Variants in SVIL observed in about 807,000 individuals in gnomAD.
SVIL encodes supervillin, also known as archvillin.
A neutral mutation model predicts 240.4 loss-of-function variants in SVIL; 101 were observed. The observed-to-expected ratio is 0.42, with a 90% CI of 0.36 to 0.50. The LOEUF is 0.50. SVIL is among the 20% of genes least tolerant of loss of function. SVIL has a pLI of 0.01. For synonymous variants in SVIL, 999 were observed against 1,100.0 expected (o/e 0.91, Z 1.82); for missense variants, 2,512 against 2,818.7 (o/e 0.89, Z 2.46).
intron 2 of SVIL, among the ~76,000 whole-genome samples, chr10:29,680,569 C>T (rs889236338): frequency 2.0e-5 from 3 of 152,190 alleles, no homozygotes; most frequent in South Asian, 2.1e-4. Flanking sequence ...AATATTTATG[C>T]TGTAAAAAGT....
chr10:29,552,843 T>G (rs1050421963), intron 5 of SVIL, among the ~76,000 whole-genome samples: 1 of 152,182 alleles, frequency 6.6e-6, no homozygotes, highest in Admixed American at 6.5e-5. Flanking sequence ...CATTATGATT[T>G]TATTAAATAA....
intron 1 of SVIL, among the ~76,000 whole-genome samples, chr10:29,729,176 C>T (rs1372817810): frequency 6.6e-6 from 1 of 152,078 alleles, no homozygotes; most frequent in Non-Finnish European, 1.5e-5. Flanking sequence ...TTTCTAACCC[C>T]AAGGACCATG....
chr10:29,522,563 G>C lies in SVIL; in HGVS notation c.3236C>G (p.Ala1079Gly). ...AAGKTIAQTT[A>G]PVSWKPQDSS... ...ATCCTGGGGCTTCCAGGACACGGGG[G>C]CTGTGGTTTGAGCAATAGTTTTCCC... Residue 1079 changes from alanine (A) to glycine (G), a missense_variant, in exon 16 of 38, where the codon GCC (alanine) becomes GGC (glycine). This residue lies in a region of SVIL where 1,443 missense variants were observed against 1,486.6 expected (regional missense o/e 0.97). Coordinates refer to ENST00000355867, the MANE Select transcript of SVIL (RefSeq NM_021738.3). The C allele has an allele frequency of 6.2e-7, 1 of 1,614,198 alleles. No individual in the cohort carries two copies. The highest frequency in any genetic ancestry group is 1.1e-5 in the South Asian group (1 of 91,084).
intron 1 of SVIL, among the ~76,000 whole-genome samples, chr10:29,621,762 T>A (rs551630413): frequency 6.6e-6 from 1 of 151,958 alleles, no homozygotes; most frequent in African/African-American, 2.4e-5. Context: ...AGCCCAAGAG[T>A]TCTCATCCTC....
chr10:29,623,466 G>A (rs1342990219), intron 1 of SVIL, among the ~76,000 whole-genome samples: 1 of 152,244 alleles, frequency 6.6e-6, no homozygotes, highest in Non-Finnish European at 1.5e-5. Flanking sequence ...CATTTCAGTG[G>A]AGGATGGGAC....
At chr10:29,480,295 T>C (rs1946684978) in intron 29 of SVIL, among the ~76,000 whole-genome samples, 1 of 152,176 alleles carries the variant, frequency 6.6e-6, no homozygotes, top group Non-Finnish European at 1.5e-5. Context: ...GAAGCCTTGA[T>C]GTGCAAGTTC....
chr10:29,545,089 C>T (rs376672879), intron 6 of SVIL: 33 of 534,436 alleles, frequency 6.2e-5, no homozygotes, highest in African/African-American at 4.4e-4. Flanking sequence ...AGGTCAAGCA[C>T]GATGCTCTCC....
rs187140685 is a variant in SVIL at position 29,506,056 on chromosome 10, C to A, written c.3516+6679G>T. On this transcript the variant is annotated intron_variant, in intron 17 of 37. Coordinates refer to ENST00000355867, the MANE Select transcript of SVIL (RefSeq NM_021738.3). ...TAATGTTATGTAAATAGTTGTTCTG[C>A]TGTATTGGTTTTTAATTTTTTAACT... Among the ~76,000 whole-genome samples the A allele has an allele frequency of 3.7e-4, 57 of 152,200 alleles. 1 individual carries two copies. The East Asian group carries it at 8.9e-3, about 24-fold the overall frequency.
chr10:29,669,371 C>T lies in SVIL; in HGVS notation c.-300-11303G>A, dbSNP rs918217545. On this transcript the variant is annotated intron_variant, in intron 2 of 35. Transcript: ENST00000375400. Reference sequence around the variant, plus strand: ...TGCAGTGAGTGAAAGGAAGAGAGCCCGGATAACCAGCAGGAAGTGCTGTTC... The same window carrying T: ...TGCAGTGAGTGAAAGGAAGAGAGCCTGGATAACCAGCAGGAAGTGCTGTTC... 3.3e-5 allele frequency among the ~76,000 whole-genome samples: 5 copies of T among 152,146 alleles called. No homozygotes were observed. In the East Asian group the frequency reaches 5.8e-4, roughly 18 times the overall value.
chr10:29,622,000 C>G (rs1198599374), intron 1 of SVIL, among the ~76,000 whole-genome samples: 1 of 151,888 alleles, frequency 6.6e-6, no homozygotes, highest in South Asian at 2.1e-4. Context: ...CCTGTAATCC[C>G]AGCACTTTGG....
intron 1 of SVIL, among the ~76,000 whole-genome samples, chr10:29,598,670 T>C (rs1956692401): frequency 6.6e-6 from 1 of 152,166 alleles, no homozygotes. Flanking sequence ...GGATAATCCA[T>C]ATGTTTGAAA....
rs72631860 is a variant in SVIL at position 29,733,713 on chromosome 10, C to T, written c.-400+2038G>A. ...CAGCAACCGAACCCAGCCATTCTTC[C>T]CAGACTTTCCAGGCTTGCCCTCATC... On this transcript the variant is annotated intron_variant, in intron 1 of 35. Coordinates refer to the SVIL transcript ENST00000375400. Among the ~76,000 whole-genome samples the T allele has an allele frequency of 6.4e-3, 971 of 152,300 alleles. 51 individuals are homozygous for T. The East Asian group carries it at 0.11, about 17-fold the overall frequency.
intron 1 of SVIL, among the ~76,000 whole-genome samples, chr10:29,701,408 G>A (rs1962507457): frequency 6.6e-6 from 1 of 152,196 alleles, no homozygotes; most frequent in Admixed American, 6.5e-5. Context: ...TATTATTCAT[G>A]TCAACAAATT....
chr10:29,462,294 C>A lies in SVIL; in HGVS notation c.6385G>T (p.Ala2129Ser). Residue 2129 changes from alanine (A) to serine (S), a missense_variant, in exon 36 of 38, where the codon GCT becomes TCT. By Grantham distance (99) the Ala-to-Ser change is moderately conservative (BLOSUM62 1). This residue lies in a region of SVIL where 797 missense variants were observed against 925.3 expected (regional missense o/e 0.86). Coordinates refer to ENST00000355867, the MANE Select transcript of SVIL (RefSeq NM_021738.3). ...GTGCTCACCATCTCTGTGATCTCAGCGATGTCCTCTCTGTGCTCCCAGCTG... is the reference window on the plus strand; with the variant it reads ...GTGCTCACCATCTCTGTGATCTCAGAGATGTCCTCTCTGTGCTCCCAGCTG... ...FPSWEHREDI[A>S]EITEMDTEVS... 6.2e-7 allele frequency: 1 copy of A among 1,614,110 alleles called. No individual in the cohort carries two copies. The highest frequency in any genetic ancestry group is 8.5e-7 in the Non-Finnish European group (1 of 1,179,996).
intron 1 of SVIL, among the ~76,000 whole-genome samples, chr10:29,695,361 G>A (rs528621152): frequency 6.6e-5 from 10 of 152,156 alleles, no homozygotes; most frequent in African/African-American, 2.2e-4. Context: ...CTAAATGAGG[G>A]GTACACTAAG....
intron 1 of SVIL, among the ~76,000 whole-genome samples, chr10:29,582,854 G>A (rs374876088): frequency 4.6e-5 from 7 of 152,196 alleles, no homozygotes; most frequent in South Asian, 2.1e-4. Context: ...GAGCTGCGGG[G>A]GCCCATGCCT....
At chr10:29,567,450 C>T (rs1418846649) in intron 2 of SVIL, among the ~76,000 whole-genome samples, 2 of 152,168 alleles carry the variant, frequency 1.3e-5, no homozygotes, top group Non-Finnish European at 2.9e-5. Context: ...TCTGGTTGAC[C>T]AGATTTCTTC....
intron 1 of SVIL, among the ~76,000 whole-genome samples, chr10:29,623,713 A>T (rs184587172): frequency 6.6e-6 from 1 of 152,260 alleles, no homozygotes; most frequent in East Asian, 1.9e-4. Context: ...TTAGCCAGGC[A>T]TGGTGGCACG....
intron 16 of SVIL, among the ~76,000 whole-genome samples, chr10:29,515,919 G>C (rs1950169240): frequency 6.6e-6 from 1 of 152,088 alleles, no homozygotes; most frequent in Non-Finnish European, 1.5e-5. Flanking sequence ...CTGCTGATCT[G>C]CACGGCGACC....
Sources: allele counts gnomAD v4.1 joint callset (sites outside exome capture counted in the v4.1 genomes callset), GRCh38; gene constraint gnomAD v4.1.1; regional missense constraint gnomAD v4.1.1; transcripts MANE v1.5; gene names NCBI Gene and HGNC (gene_info 2026-07-23, HGNC 2026-07-21).